Variants in NCOA1 observed in about 807,000 individuals in gnomAD.
NCOA1 encodes nuclear receptor coactivator 1, also known as Hin-2 protein.
In NCOA1, 35 loss-of-function variants were observed where a neutral mutation model predicts 150.9. That is an observed-to-expected ratio of 0.23 (90% CI 0.18 to 0.31). NCOA1 has a LOEUF of 0.31. Among genes scored for constraint, NCOA1 ranks in the 10% least tolerant of loss-of-function variants. The probability of loss-of-function intolerance (pLI) is 1.00; values close to 1 mark genes in which losing one functional copy is unlikely to be tolerated. For synonymous variants in NCOA1, 590 were observed against 630.0 expected, an observed-to-expected ratio of 0.94 and a Z score of 0.95; for missense variants, 1,491 against 1,749.3, an observed-to-expected ratio of 0.85 and a Z score of 2.63.
At chr2:24,580,832 C>G (rs1213527886) in intron 2 of NCOA1, among the ~76,000 whole-genome samples, 1 of 152,094 alleles carries the variant, frequency 6.6e-6, no homozygotes, top group Non-Finnish European at 1.5e-5. Context: ...ATTCCTGGAT[C>G]TTGGTATGAT....
At chr2:24,731,583 A>T (rs1207524980) in intron 17 of NCOA1, among the ~76,000 whole-genome samples, 1 of 152,176 alleles carries the variant, frequency 6.6e-6, no homozygotes, top group Non-Finnish European at 1.5e-5. Context: ...AGAAAGGGAA[A>T]TTTTTTAAAT....
At chr2:24,673,927 A>G (rs376452846) in intron 7 of NCOA1, among the ~76,000 whole-genome samples, 4 of 152,192 alleles carry the variant, frequency 2.6e-5, no homozygotes, top group African/African-American at 4.8e-5. Flanking sequence ...GAGAATTACT[A>G]TTTTAACTGT....
chr2:24,672,137 C>T (rs112351073), intron 6 of NCOA1, among the ~76,000 whole-genome samples: 1 of 150,846 alleles, frequency 6.6e-6, no homozygotes, highest in African/African-American at 2.4e-5. Flanking sequence ...ATATATATAA[C>T]AATATATTGT....
intron 1 of NCOA1, among the ~76,000 whole-genome samples, chr2:24,518,693 G>C (rs989202819): frequency 5.9e-5 from 9 of 152,046 alleles, no homozygotes; most frequent in Non-Finnish European, 1.3e-4. Context: ...ATGAACATTT[G>C]GAACTTGAAA....
intron 1 of NCOA1, among the ~76,000 whole-genome samples, chr2:24,507,434 G>C (rs1300721298): frequency 1.6e-5 from 1 of 60,746 alleles, no homozygotes; most frequent in South Asian, 6.7e-4. Context: ...TGAGCTGCTG[G>C]GTTTTTTTTT....
chr2:24,528,043 G>A lies in NCOA1; in HGVS notation c.-395-36252G>A, dbSNP rs530612497. Among the ~76,000 whole-genome samples the A allele has an allele frequency of 3.3e-5, 5 of 152,208 alleles. No homozygotes were observed. The South Asian group carries it at 1.0e-3, about 32-fold the overall frequency. ...GTTTTCTTGCTATTGAGTTGTATGAGTTCTTTATAAATTTTGGATATTAAT... is the reference window on the plus strand; with the variant it reads ...GTTTTCTTGCTATTGAGTTGTATGAATTCTTTATAAATTTTGGATATTAAT... On this transcript the variant is annotated intron_variant, in intron 1 of 22. Coordinates refer to ENST00000348332, the MANE Select transcript of NCOA1 (RefSeq NM_003743.5).
intron 1 of NCOA1, among the ~76,000 whole-genome samples, chr2:24,506,549 C>T (rs9678303): frequency 0.025 from 3,763 of 152,184 alleles, 48 homozygotes; most frequent in South Asian, 0.033. Flanking sequence ...AATTTTGGCT[C>T]GTTACTTTCT....
chr2:24,502,777 C>T (rs1298578050), intron 1 of NCOA1, among the ~76,000 whole-genome samples: 2 of 152,142 alleles, frequency 1.3e-5, no homozygotes, highest in Non-Finnish European at 2.9e-5. Context: ...CTAGTCTATG[C>T]TTTTTGAAAT....
At chr2:24,555,738 T>C (rs1666043100) in intron 1 of NCOA1, among the ~76,000 whole-genome samples, 1 of 152,248 alleles carries the variant, frequency 6.6e-6, no homozygotes, top group African/African-American at 2.4e-5. Context: ...TTTCTTGTTC[T>C]GAGGTTTGTT....
intron 17 of NCOA1, among the ~76,000 whole-genome samples, chr2:24,735,788 C>G (rs1023762884): frequency 2.6e-5 from 4 of 152,144 alleles, no homozygotes; most frequent in Non-Finnish European, 5.9e-5. Flanking sequence ...AAGTTACAAG[C>G]CTTTAGGTGT....
chr2:24,672,189 T>C (rs1194824487), intron 6 of NCOA1, among the ~76,000 whole-genome samples: 1 of 152,080 alleles, frequency 6.6e-6, no homozygotes, highest in African/African-American at 2.4e-5. Flanking sequence ...AAAAAAATGC[T>C]TAAAATGATT....
intron 14 of NCOA1, among the ~76,000 whole-genome samples, chr2:24,713,925 C>G (rs1673888281): frequency 6.6e-6 from 1 of 152,180 alleles, no homozygotes; most frequent in Non-Finnish European, 1.5e-5. Flanking sequence ...GGGTTCTTTT[C>G]TATCCTTGGC....
chr2:24,687,910 T>C (rs1319830838), intron 8 of NCOA1, among the ~76,000 whole-genome samples: 2 of 152,204 alleles, frequency 1.3e-5, no homozygotes, highest in Non-Finnish European at 2.9e-5. Flanking sequence ...CCTGCCAGCC[T>C]CCACCCTCAA....
intron 7 of NCOA1, among the ~76,000 whole-genome samples, chr2:24,675,168 T>G (rs972926182): frequency 2.0e-5 from 3 of 152,256 alleles, no homozygotes; most frequent in Non-Finnish European, 4.4e-5. Context: ...TATCTGTGTC[T>G]TTGTCTATAT....
At chr2:24,737,158 G>A (rs1663354266) in intron 17 of NCOA1, among the ~76,000 whole-genome samples, 1 of 152,226 alleles carries the variant, frequency 6.6e-6, no homozygotes, top group Admixed American at 6.5e-5. Context: ...CCAAGGAGCT[G>A]AGGAATGTAG....
At chr2:24,612,575 G>T (rs951340837) in intron 3 of NCOA1, among the ~76,000 whole-genome samples, 2 of 151,992 alleles carry the variant, frequency 1.3e-5, no homozygotes, top group Non-Finnish European at 2.9e-5. Flanking sequence ...TAAAGACTTT[G>T]TTCCTTTTTT....
intron 20 of NCOA1, among the ~76,000 whole-genome samples, chr2:24,753,756 G>A (rs576445554): frequency 7.2e-5 from 11 of 152,044 alleles, no homozygotes; most frequent in South Asian, 2.1e-4. Flanking sequence ...GGACCTCTTC[G>A]CCATACCCAC....
chr2:24,646,469 C>A (rs1184884786), intron 4 of NCOA1, among the ~76,000 whole-genome samples: 4 of 152,256 alleles, frequency 2.6e-5, no homozygotes, highest in East Asian at 1.9e-4. Context: ...GTCTGATTCA[C>A]AATCATAGAT....
At chr2:24,572,649 A>G (rs550481980) in intron 2 of NCOA1, among the ~76,000 whole-genome samples, 7 of 152,274 alleles carry the variant, frequency 4.6e-5, no homozygotes, top group Admixed American at 3.9e-4. Flanking sequence ...TCTGTACTCC[A>G]TCACCTCCCT....
Sources: allele counts gnomAD v4.1 joint callset (sites outside exome capture counted in the v4.1 genomes callset), GRCh38; gene constraint gnomAD v4.1.1; transcripts MANE v1.5; gene names NCBI Gene and HGNC (gene_info 2026-07-23, HGNC 2026-07-21).